CELF4: variants seen among roughly 807,000 people sequenced by gnomAD.
The protein encoded by CELF4 is CUGBP Elav-like family member 4, also known as CUG-BP- and ETR-3-like factor 4.
Under a neutral mutation model 59.9 loss-of-function variants are expected in CELF4, and 18 were observed. The ratio of observed to expected loss-of-function variants is 0.30; its 90% confidence interval spans 0.21 to 0.45. The LOEUF (loss-of-function observed/expected upper bound fraction) is 0.45, where lower values mean the gene tolerates loss of function less well. CELF4 is among the 20% of genes least tolerant of loss of function. The probability of loss-of-function intolerance (pLI) is 1.00; values close to 1 mark genes in which losing one functional copy is unlikely to be tolerated. For missense variants in CELF4, 456 were observed against 689.0 expected (o/e 0.66, Z 3.79); for synonymous variants, 261 against 267.1 (o/e 0.98, Z 0.22).
chr18:37,266,219 A>C (rs1488738941), intron 9 of CELF4: 1 of 499,638 alleles, frequency 2.0e-6, no homozygotes, highest in African/African-American at 1.9e-5. Flanking sequence ...GCTCCTGGGC[A>C]AAGTGGCCCT....
rs1057443181 is a variant in CELF4 at position 37,565,726 on chromosome 18, C to T, written c.-85G>A. The T allele has an allele frequency of 1.0e-5, 12 of 1,147,106 alleles. No individual in the cohort carries two copies. The highest frequency in any genetic ancestry group is 1.5e-5 in the African/African-American group (1 of 64,560). The allele number at this position is 1,147,106 out of a possible 1,614,324, so 71.1% of individuals were successfully genotyped here. On this transcript the variant is annotated 5_prime_UTR_variant, in exon 1 of 13. It adds an upstream start codon to the 5' untranslated region. Transcript: ENST00000420428. The stretch of plus-strand genomic sequence containing the variant: ...GCTCGCTCGCGCTCACACACGCACA[C>T]GCATACACACACTCGGGTTCTCTCC...
chr18:37,522,313 C>T (rs146422806), intron 1 of CELF4, among the ~76,000 whole-genome samples: 2 of 152,284 alleles, frequency 1.3e-5, no homozygotes, highest in East Asian at 3.9e-4. Context: ...TTCTTCTCTG[C>T]CTCTGACCAG....
At chr18:37,532,180 C>T (rs1264890922) in intron 1 of CELF4, among the ~76,000 whole-genome samples, 1 of 152,224 alleles carries the variant, frequency 6.6e-6, no homozygotes, top group African/African-American at 2.4e-5. Flanking sequence ...CTGATCTTTG[C>T]ATTTCACAAT....
chr18:37,365,070 A>G (rs1192399235), intron 2 of CELF4, among the ~76,000 whole-genome samples: 2 of 152,178 alleles, frequency 1.3e-5, no homozygotes, highest in African/African-American at 4.8e-5. Flanking sequence ...AATGATTTAT[A>G]GGATAGGATG....
At chr18:37,496,211 G>A (rs1247445356) in intron 1 of CELF4, among the ~76,000 whole-genome samples, 6 of 152,190 alleles carry the variant, frequency 3.9e-5, no homozygotes, top group East Asian at 1.9e-4. Flanking sequence ...GCCCTCAAAC[G>A]AGTGCTTGGT....
chr18:37,565,332 G>T, intron 1 of CELF4, 24 bp downstream of exon 1: 2 of 1,466,526 alleles, frequency 1.4e-6, no homozygotes, highest in Non-Finnish European at 9.1e-7. Context: ...CCCCGGCAAA[G>T]TTGGGAGGGA....
At chr18:37,324,446 G>A (rs888443359) in intron 2 of CELF4, among the ~76,000 whole-genome samples, 2 of 152,216 alleles carry the variant, frequency 1.3e-5, no homozygotes, top group Admixed American at 6.5e-5. Context: ...CCATCTTCAA[G>A]CCAGGAAGAG....
At chr18:37,371,484 G>C (rs1230431130) in intron 2 of CELF4, among the ~76,000 whole-genome samples, 2 of 152,230 alleles carry the variant, frequency 1.3e-5, no homozygotes, top group Non-Finnish European at 2.9e-5. Context: ...TTCTCTGCAG[G>C]AATGTAGCAG....
intron 2 of CELF4, among the ~76,000 whole-genome samples, chr18:37,361,116 T>A (rs959380591): frequency 5.9e-5 from 9 of 152,166 alleles, no homozygotes. Flanking sequence ...GTGAAGGCCA[T>A]TCATACAGGA....
At chr18:37,501,152 C>T (rs905077191) in intron 1 of CELF4, among the ~76,000 whole-genome samples, 11 of 152,204 alleles carry the variant, frequency 7.2e-5, no homozygotes, top group African/African-American at 2.7e-4. Context: ...GGCACAAAGG[C>T]CCCCACAGCA....
chr18:37,294,742 C>T (rs1001035072), intron 3 of CELF4, among the ~76,000 whole-genome samples: 1 of 152,206 alleles, frequency 6.6e-6, no homozygotes, highest in Non-Finnish European at 1.5e-5. Flanking sequence ...CAGTGGAATA[C>T]CCGTTTCATT....
chr18:37,248,295 G>T (rs1337813614), intron 12 of CELF4, among the ~76,000 whole-genome samples: 1 of 152,206 alleles, frequency 6.6e-6, no homozygotes, highest in African/African-American at 2.4e-5. Context: ...TCTTGCATTT[G>T]CCTTACCCTC....
intron 1 of CELF4, among the ~76,000 whole-genome samples, chr18:37,539,921 C>T (rs904796964): frequency 1.1e-4 from 16 of 152,142 alleles, no homozygotes; most frequent in Admixed American, 8.5e-4. Flanking sequence ...TCATGTGCAG[C>T]GCAGGCCTGG....
At chr18:37,376,234 A>T (rs1320120833) in intron 2 of CELF4, among the ~76,000 whole-genome samples, 1 of 152,002 alleles carries the variant, frequency 6.6e-6, no homozygotes, top group Non-Finnish European at 1.5e-5. Context: ...TCTTCAGGCC[A>T]TGTCCCTTTT....
intron 2 of CELF4, among the ~76,000 whole-genome samples, chr18:37,457,031 T>G (rs2099780261): frequency 6.6e-6 from 1 of 152,198 alleles, no homozygotes; most frequent in Non-Finnish European, 1.5e-5. Flanking sequence ...GTGATGTCTT[T>G]CCTGAGGAGG....
Position 37,449,109 on chromosome 18 carries a change from C to T in CELF4, c.369+36416G>A, listed in dbSNP as rs1053869603. Among the ~76,000 whole-genome samples the T allele has an allele frequency of 1.7e-4, 26 of 152,328 alleles. 1 individual carries two copies. Among genetic ancestry groups the T allele is most frequent in the African/African-American group, 6.0e-4 (25 of 41,580 alleles). Reference sequence around the variant, plus strand: ...GCCAGTAGCAAAACCGGACCACCAACCCACAGCTGGTTGCCCCAGCTCAGT... The same window carrying T: ...GCCAGTAGCAAAACCGGACCACCAATCCACAGCTGGTTGCCCCAGCTCAGT... On this transcript the variant is annotated intron_variant, in intron 2 of 12. Coordinates refer to ENST00000420428, the MANE Select transcript of CELF4 (RefSeq NM_020180.4).
intron 1 of CELF4, among the ~76,000 whole-genome samples, chr18:37,506,980 A>G (rs2154604128): frequency 6.6e-6 from 1 of 152,292 alleles, no homozygotes; most frequent in South Asian, 2.1e-4. Context: ...ACATTCTTGA[A>G]TGGATGGTTT....
intron 1 of CELF4, among the ~76,000 whole-genome samples, chr18:37,534,671 T>G (rs1206563735): frequency 6.6e-6 from 1 of 152,122 alleles, no homozygotes; most frequent in Non-Finnish European, 1.5e-5. Context: ...CAGATAACTA[T>G]ATTCCGACAC....
chr18:37,448,721 C>G (rs964589506), intron 2 of CELF4, among the ~76,000 whole-genome samples: 1 of 152,240 alleles, frequency 6.6e-6, no homozygotes, highest in East Asian at 1.9e-4. Flanking sequence ...CTGGCAGCCT[C>G]GAGTGCCCCA....
Sources: gnomAD v4.1 joint callset for allele counts (sites outside exome capture counted in the v4.1 genomes callset) on GRCh38, gnomAD v4.1.1 for gene constraint, MANE v1.5 for transcripts, NCBI Gene and HGNC (gene_info 2026-07-23, HGNC 2026-07-21) for gene names.